ABL2: variants seen among roughly 807,000 people sequenced by gnomAD.
ABL2 encodes tyrosine-protein kinase ABL2.
In ABL2, 49 loss-of-function variants were observed where a neutral mutation model predicts 107.7. The observed-to-expected ratio is 0.45, with a 90% CI of 0.36 to 0.58. The LOEUF (loss-of-function observed/expected upper bound fraction) is 0.58. Ranked by LOEUF, ABL2 falls within the 20% of genes least tolerant of loss-of-function variation. The pLI, the probability that ABL2 is intolerant of heterozygous loss-of-function variation, is 0.00. For synonymous variants in ABL2, 549 were observed against 548.6 expected, an observed-to-expected ratio of 1.00 and a Z score of -0.01; for missense variants, 1,245 against 1,457.0, an observed-to-expected ratio of 0.85 and a Z score of 2.37.
rs890777423 is a variant in ABL2 at position 179,131,034 on chromosome 1, G to A, written c.391+277C>T. On this transcript the variant is annotated intron_variant, in intron 3 of 11. Coordinates refer to ENST00000502732, the MANE Select transcript of ABL2 (RefSeq NM_007314.4). ...CAGCTCACTGCAACCTCTGCCTCCC[G>A]AGTTCAAGTGATTCTCATGCCTCAG... Among the ~76,000 whole-genome samples the A allele has an allele frequency of 5.6e-4, 85 of 150,976 alleles. 1 individual carries two copies. Among genetic ancestry groups the A allele is most frequent in the African/African-American group, 7.3e-5 (3 of 40,982 alleles).
chr1:179,192,363 T>C (rs1414738065), intron 1 of ABL2, among the ~76,000 whole-genome samples: 1 of 152,214 alleles, frequency 6.6e-6, no homozygotes, highest in African/African-American at 2.4e-5. Flanking sequence ...ATGTGGAATG[T>C]CAAACCCTTC....
intron 1 of ABL2, among the ~76,000 whole-genome samples, chr1:179,148,915 G>GAA (rs34992088): frequency 2.3e-5 from 3 of 132,400 alleles, no homozygotes; most frequent in Non-Finnish European, 3.2e-5. Flanking sequence ...AAAAAAAAAG[G>GAA]AAAAAAAAAA....
chr1:179,136,105 C>A (rs1439800854), intron 1 of ABL2, among the ~76,000 whole-genome samples: 1 of 150,636 alleles, frequency 6.6e-6, no homozygotes, highest in African/African-American at 2.4e-5. Context: ...AGCCCCCCGT[C>A]CGGCCAGCCA....
At position 179,184,464 on chromosome 1, in the gene ABL2, G is replaced by C. The variant is rs1460879454; in HGVS notation, c.157+44777C>G. ...CTTTATCTGGTTTACTGACCATTCT[G>C]ATGCAGGTGCTCATATGTTAGGAAA... On this transcript the variant is annotated intron_variant, in intron 1 of 11. Transcript: ENST00000502732. 8.7e-6 allele frequency: 8 copies of C among 924,222 alleles called. No individual in the cohort carries two copies. In the Admixed American group the frequency reaches 1.6e-4, roughly 19 times the overall value. The allele number at this position is 924,222 out of a possible 1,614,324, so 57.3% of individuals were successfully genotyped here.
intron 1 of ABL2, among the ~76,000 whole-genome samples, chr1:179,225,068 G>A (rs1663118010): frequency 6.6e-6 from 1 of 152,008 alleles, no homozygotes; most frequent in Non-Finnish European, 1.5e-5. Context: ...AAAAATAGCA[G>A]ATCTCAGAAA....
rs867653374 is a variant in ABL2 at position 179,147,298 on chromosome 1, G to T, written c.158-13924C>A. Among the ~76,000 whole-genome samples, 15 of 148,416 alleles carry T rather than the reference G, an allele frequency of 1.0e-4. No individual in the cohort carries two copies. In the South Asian group the frequency reaches 1.7e-3, roughly 17 times the overall value. On this transcript the variant is annotated intron_variant, in intron 1 of 11. Transcript: ENST00000502732. ...GTTAGCACAACCTCTACGAAAAACA[G>T]TATAGAAATTTCTCAAAGAACTACA... is the stretch of plus-strand genomic sequence containing the variant.
In ABL2 at chr1:179,107,168, T is replaced by C; in HGVS notation, c.*550A>G. On this transcript the variant is annotated 3_prime_UTR_variant, in exon 12 of 12. Transcript: ENST00000502732. The stretch of plus-strand genomic sequence containing the variant: ...GGCCATATTTCCCAGTTTTATGTTG[T>C]AGCACTCTGATTTGCAGTTCTTATT... 1 of 233,032 alleles carries C rather than the reference T, an allele frequency of 4.3e-6. No individual in the cohort carries two copies. Among genetic ancestry groups the C allele is most frequent in the Middle Eastern group, 1.3e-3 (1 of 776 alleles). 14.4% of individuals were successfully genotyped at this position (233,032 alleles called of 1,614,324 possible). A position where few individuals can be genotyped will look rare whatever the true frequency, so the allele number is the denominator to read the frequency against.
At chr1:179,113,224 TTTC>T (rs1005633095) in intron 9 of ABL2, among the ~76,000 whole-genome samples, 26 of 152,040 alleles carry the variant, frequency 1.7e-4, no homozygotes, top group African/African-American at 6.0e-4. Flanking sequence ...ATTAACCCAC[TTTC>T]TAAGGCTGGT....
At chr1:179,120,613 C>T (rs568879209) in intron 5 of ABL2, among the ~76,000 whole-genome samples, 6 of 152,022 alleles carry the variant, frequency 3.9e-5, no homozygotes, top group South Asian at 2.1e-4. Flanking sequence ...TTAGTAGAGA[C>T]GGGGTTTTGC....
intron 1 of ABL2, among the ~76,000 whole-genome samples, chr1:179,187,227 T>C (rs1164445695): frequency 6.6e-6 from 1 of 152,254 alleles, no homozygotes; most frequent in African/African-American, 2.4e-5. Context: ...CTTTCTGCAA[T>C]ACCAGATGCA....
chr1:179,140,885 T>TA (rs1456185527), intron 1 of ABL2, among the ~76,000 whole-genome samples: 8 of 152,160 alleles, frequency 5.3e-5, no homozygotes, highest in Non-Finnish European at 1.0e-4. Flanking sequence ...GGCTAGCGTC[T>TA]GTAATCCCAG....
intron 1 of ABL2, among the ~76,000 whole-genome samples, chr1:179,208,212 T>C (rs1662084262): frequency 6.6e-6 from 1 of 152,152 alleles, no homozygotes; most frequent in Non-Finnish European, 1.5e-5. Flanking sequence ...CATGGGTAAA[T>C]TGTGTGTCAC....
intron 1 of ABL2, among the ~76,000 whole-genome samples, chr1:179,146,467 T>G (rs1657992054): frequency 6.6e-6 from 1 of 152,150 alleles, no homozygotes; most frequent in South Asian, 2.1e-4. Flanking sequence ...CTGAAGTGTT[T>G]CAGGTTTAAA....
In ABL2 at chr1:179,188,156, G is replaced by GT. The variant is rs1252731332; in HGVS notation, c.157+41084dup. Among the ~76,000 whole-genome samples, 183 of 152,236 alleles carry GT rather than the reference G, an allele frequency of 1.2e-3. 1 individual carries two copies. The highest frequency in any genetic ancestry group is 3.7e-4 in the Non-Finnish European group (25 of 68,022). ...CCCTTGATGGTCCTCTTCCTGAAAT[G>GT]TTTTTATCTCAAAAGCCAAAAGTTT... On this transcript the variant is annotated intron_variant, in intron 1 of 11. Coordinates refer to ENST00000502732, the MANE Select transcript of ABL2 (RefSeq NM_007314.4).
At chr1:179,109,526 T>A in intron 11 of ABL2, 85 bp from the exon 12 acceptor site, 1 of 1,512,760 alleles carries the variant, frequency 6.6e-7, no homozygotes, top group Non-Finnish European at 8.8e-7. Context: ...TTATGAGTTT[T>A]GTCAGCATTT....
In ABL2 at chr1:179,112,325, G is replaced by A. The variant is rs763253431; in HGVS notation, c.1635C>T (p.Asp545=). 5.0e-6 allele frequency: 8 copies of A among 1,613,568 alleles called. No individual in the cohort carries two copies. Among genetic ancestry groups the A allele is most frequent in the Non-Finnish European group, 5.1e-6 (6 of 1,179,566 alleles). Residue 545 remains aspartate, a synonymous_variant, in exon 10 of 12, where the codon GAC becomes GAT. Coordinates refer to ENST00000502732, the MANE Select transcript of ABL2 (RefSeq NM_007314.4). ...GATTCTCACCTTCAGAAATGCTGGA[G>A]TCATGGAACATGGTTTCAAAAGCTT... ...THQAFETMFH[D]SSISEEVAEE...
chr1:179,139,462 C>T (rs1161635002), intron 1 of ABL2, among the ~76,000 whole-genome samples: 8 of 152,274 alleles, frequency 5.3e-5, no homozygotes, highest in African/African-American at 1.4e-4. Context: ...GCACTCACCG[C>T]GAGGGTCTGC....
intron 1 of ABL2, among the ~76,000 whole-genome samples, chr1:179,226,310 C>CTTTTT (rs745831850): frequency 2.3e-5 from 3 of 131,004 alleles, no homozygotes; most frequent in Non-Finnish European, 4.9e-5. Context: ...ATTATCCCTA[C>CTTTTT]TTTTTTTTTT....
chr1:179,124,014 G>A (rs959893759), intron 4 of ABL2, among the ~76,000 whole-genome samples: 1 of 152,000 alleles, frequency 6.6e-6, no homozygotes, highest in African/African-American at 2.4e-5. Flanking sequence ...GGCCAAGGCG[G>A]GTGGATCACG....
Sources: allele counts gnomAD v4.1 joint callset (sites outside exome capture counted in the v4.1 genomes callset), GRCh38; gene constraint gnomAD v4.1.1; transcripts MANE v1.5; gene names NCBI Gene and HGNC (gene_info 2026-07-23, HGNC 2026-07-21).